CSGALNACT1: variants seen among roughly 807,000 people sequenced by gnomAD.
The protein encoded by CSGALNACT1 is chondroitin sulfate N-acetylgalactosaminyltransferase 1.
Under a neutral mutation model 51.0 loss-of-function variants are expected in CSGALNACT1, and 52 were observed. The observed-to-expected ratio is 1.02, with a 90% CI of 0.82 to 1.29. The LOEUF (loss-of-function observed/expected upper bound fraction) is 1.29, where lower values mean the gene tolerates loss of function less well. Among genes scored for constraint, CSGALNACT1 ranks in the 50% most tolerant of loss-of-function variants. CSGALNACT1 has a pLI of 0.00. For missense variants in CSGALNACT1, 935 were observed against 679.2 expected, an observed-to-expected ratio of 1.38 and a Z score of -4.19; for synonymous variants, 341 against 254.4, an observed-to-expected ratio of 1.34 and a Z score of -3.24.
intron 3 of CSGALNACT1, among the ~76,000 whole-genome samples, chr8:19,528,986 A>C (rs1434382608): frequency 2.6e-5 from 4 of 152,194 alleles, no homozygotes; most frequent in African/African-American, 9.7e-5. Flanking sequence ...GATTTTATTT[A>C]TTAAACCAAA....
At chr8:19,614,839 C>T (rs1204679959) in intron 1 of CSGALNACT1, among the ~76,000 whole-genome samples, 1 of 152,208 alleles carries the variant, frequency 6.6e-6, no homozygotes, top group Admixed American at 6.5e-5. Flanking sequence ...GCTGCCCTTG[C>T]TGGCCACTGG....
intron 3 of CSGALNACT1, among the ~76,000 whole-genome samples, chr8:19,515,321 C>T (rs1008887602): frequency 3.3e-5 from 5 of 152,212 alleles, no homozygotes; most frequent in African/African-American, 1.2e-4. Flanking sequence ...TAGGCTCAGC[C>T]TTCAAGATGC....
chr8:19,747,553 C>A (rs762409215), intron 1 of CSGALNACT1, among the ~76,000 whole-genome samples: 21 of 152,112 alleles, frequency 1.4e-4, no homozygotes, highest in Non-Finnish European at 2.5e-4. Flanking sequence ...TTTGAGAGCA[C>A]CCCAGACCCA....
chr8:19,435,233 G>A (rs755347344), intron 6 of CSGALNACT1, among the ~76,000 whole-genome samples: 4 of 152,150 alleles, frequency 2.6e-5, no homozygotes, highest in African/African-American at 9.7e-5. Flanking sequence ...GGTTGCTCAC[G>A]CCTGTAATCC....
chr8:19,487,107 G>A (rs539204001), intron 4 of CSGALNACT1, among the ~76,000 whole-genome samples: 2 of 152,240 alleles, frequency 1.3e-5, no homozygotes, highest in South Asian at 4.2e-4. Flanking sequence ...CTGAAGAATT[G>A]CCTCAATTTT....
chr8:19,741,984 T>G (rs894816255), intron 1 of CSGALNACT1, among the ~76,000 whole-genome samples: 2 of 152,192 alleles, frequency 1.3e-5, no homozygotes, highest in African/African-American at 4.8e-5. Flanking sequence ...TGCGTAACCT[T>G]GAGCAAGACA....
At chr8:19,413,912 G>T (rs2056381372) in intron 8 of CSGALNACT1, among the ~76,000 whole-genome samples, 1 of 152,158 alleles carries the variant, frequency 6.6e-6, no homozygotes, top group African/African-American at 2.4e-5. Flanking sequence ...CATGTGCCAG[G>T]TTCTGGGGTT....
chr8:19,594,339 A>C (rs564162179), intron 2 of CSGALNACT1, among the ~76,000 whole-genome samples: 1 of 152,328 alleles, frequency 6.6e-6, no homozygotes, highest in East Asian at 1.9e-4. Flanking sequence ...CAAATGATGG[A>C]GAGAAATCAA....
chr8:19,706,948 C>T (rs938240491), intron 1 of CSGALNACT1, among the ~76,000 whole-genome samples: 2 of 152,004 alleles, frequency 1.3e-5, no homozygotes, highest in South Asian at 2.1e-4. Flanking sequence ...TGATCAAAAT[C>T]GACACCAGGA....
In CSGALNACT1 at chr8:19,510,858, G is replaced by A. The variant is rs1303166125; in HGVS notation, c.-296-4728C>T. On this transcript the variant is annotated intron_variant, in intron 3 of 9. Coordinates refer to ENST00000454498, the Ensembl canonical transcript of CSGALNACT1. Reference sequence around the variant, plus strand: ...AGAAGGTAAAACAAAGGCAGGTCAGGTTTGTTTCACAGCCTAAGACTTAAA... The same window carrying A: ...AGAAGGTAAAACAAAGGCAGGTCAGATTTGTTTCACAGCCTAAGACTTAAA... Among the ~76,000 whole-genome samples the A allele has an allele frequency of 3.3e-5, 5 of 152,218 alleles. No homozygotes were observed. The East Asian group carries it at 9.6e-4, about 29-fold the overall frequency.
At chr8:19,691,325 T>A (rs1264403075) in intron 1 of CSGALNACT1, among the ~76,000 whole-genome samples, 1 of 152,172 alleles carries the variant, frequency 6.6e-6, no homozygotes, top group African/African-American at 2.4e-5. Flanking sequence ...GCAGGGCTTC[T>A]AGATCTCACT....
At chr8:19,447,650 A>G (rs1417357518) in intron 5 of CSGALNACT1, among the ~76,000 whole-genome samples, 1 of 152,196 alleles carries the variant, frequency 6.6e-6, no homozygotes, top group Non-Finnish European at 1.5e-5. Context: ...AGACCTTGCC[A>G]GATGTCCCAG....
chr8:19,579,699 T>A (rs2045133311), intron 3 of CSGALNACT1, among the ~76,000 whole-genome samples: 1 of 152,244 alleles, frequency 6.6e-6, no homozygotes, highest in Admixed American at 6.5e-5. Context: ...AGTTAAAGGA[T>A]GAATGCTAAT....
At chr8:19,406,065 C>T (rs1273671060) in exon 10 of CSGALNACT1, 2 of 1,614,118 alleles carry the variant, frequency 1.2e-6, no homozygotes, top group African/African-American at 1.3e-5. Flanking sequence ...CCAGATCAAA[C>T]CCACCTGTCG....
chr8:19,529,477 C>G (rs970757802), intron 3 of CSGALNACT1, among the ~76,000 whole-genome samples: 2 of 152,180 alleles, frequency 1.3e-5, no homozygotes, highest in African/African-American at 4.8e-5. Flanking sequence ...CTCTTATCTC[C>G]TGTTTCACTT....
intron 8 of CSGALNACT1, among the ~76,000 whole-genome samples, chr8:19,411,026 A>C (rs2055589654): frequency 6.6e-6 from 1 of 151,954 alleles, no homozygotes; most frequent in South Asian, 2.1e-4. Flanking sequence ...CAGCCATCTC[A>C]TTTCTTCTTA....
At chr8:19,449,007 T>A (rs547779212) in intron 5 of CSGALNACT1, among the ~76,000 whole-genome samples, 8 of 152,276 alleles carry the variant, frequency 5.3e-5, no homozygotes, top group Admixed American at 3.9e-4. Flanking sequence ...CCCTCCCCTG[T>A]GTCGAGATAA....
At chr8:19,461,492 G>A (rs73212549) in intron 4 of CSGALNACT1, among the ~76,000 whole-genome samples, 50,964 of 124,492 alleles carry the variant, frequency 0.41, 11,543 homozygotes, top group East Asian at 0.81. Context: ...GGGCCTATCC[G>A]CACAGCAGCC....
chr8:19,742,756 C>A (rs1448970316), intron 1 of CSGALNACT1, among the ~76,000 whole-genome samples: 1 of 152,212 alleles, frequency 6.6e-6, no homozygotes, highest in African/African-American at 2.4e-5. Flanking sequence ...AACCTACAGG[C>A]CAAAATACAT....
Sources: gnomAD v4.1 joint callset for allele counts (sites outside exome capture counted in the v4.1 genomes callset) on GRCh38, gnomAD v4.1.1 for gene constraint, MANE v1.5 for transcripts, NCBI Gene and HGNC (gene_info 2026-07-23, HGNC 2026-07-21) for gene names.